The following PACRG variants were observed in gnomAD, a reference collection of about 807,000 sequenced individuals.
The protein encoded by PACRG is parkin coregulated gene protein.
PACRG carries 29 observed loss-of-function variants against 29.7 expected under a neutral mutation model. That is an observed-to-expected ratio of 0.98 (90% CI 0.73 to 1.33). The LOEUF (loss-of-function observed/expected upper bound fraction) is 1.33. Among genes scored for constraint, PACRG ranks in the 40% most tolerant of loss-of-function variants. The probability of loss-of-function intolerance (pLI) is 0.00; values close to 1 mark genes in which losing one functional copy is unlikely to be tolerated. For synonymous variants in PACRG, 116 were observed against 118.7 expected (o/e 0.98, Z 0.15); for missense variants, 279 against 316.2 (o/e 0.88, Z 0.89).
At chr6:163,204,166 A>G (rs952349854) in intron 4 of PACRG, among the ~76,000 whole-genome samples, 15 of 152,248 alleles carry the variant, frequency 9.9e-5, no homozygotes, top group African/African-American at 3.6e-4. Context: ...ATAGCCATTC[A>G]TGAACACAGG....
In PACRG at chr6:163,145,302, G is replaced by A. The variant is rs191283265; in HGVS notation, c.613+55894G>A. 2.0e-3 allele frequency among the ~76,000 whole-genome samples: 309 copies of A among 152,272 alleles called. 1 individual carries two copies. The highest frequency in any genetic ancestry group is 3.4e-3 in the Non-Finnish European group (234 of 68,010). ...ATTAAATGAGACAATGCAAATCAAA[G>A]TGATTTGTGAGCTAGAATGCCAGGA... is the stretch of plus-strand genomic sequence containing the variant. On this transcript the variant is annotated intron_variant, in intron 4 of 4. Transcript: ENST00000366888.
intron 4 of PACRG, among the ~76,000 whole-genome samples, chr6:163,226,586 A>T (rs1257619474): frequency 6.6e-6 from 1 of 152,208 alleles, no homozygotes; most frequent in African/African-American, 2.4e-5. Context: ...GGCAATCTCC[A>T]CTTGAGGCCA....
chr6:163,211,265 AT>A (rs1781128419), intron 4 of PACRG, among the ~76,000 whole-genome samples: 1 of 152,232 alleles, frequency 6.6e-6, no homozygotes, highest in African/African-American at 2.4e-5. Flanking sequence ...GAAACATTTT[AT>A]AATCCTGTGT....
chr6:162,769,601 C>A (rs1051929764), intron 1 of PACRG, among the ~76,000 whole-genome samples: 1 of 151,916 alleles, frequency 6.6e-6, no homozygotes, highest in Non-Finnish European at 1.5e-5. Flanking sequence ...TGATCATGCA[C>A]TGGTAAGAAG....
At chr6:162,868,380 A>G (rs1792486260) in intron 2 of PACRG, among the ~76,000 whole-genome samples, 2 of 152,236 alleles carry the variant, frequency 1.3e-5, no homozygotes, top group Admixed American at 1.3e-4. Context: ...ACAGAATTAC[A>G]TCTTTTAGAT....
intron 2 of PACRG, among the ~76,000 whole-genome samples, chr6:162,995,061 G>C (rs1803853537): frequency 6.6e-6 from 1 of 151,362 alleles, no homozygotes; most frequent in Non-Finnish European, 1.5e-5. Flanking sequence ...TCAGGGGTCA[G>C]GGGTCAGGGA....
At chr6:162,868,201 T>G (rs1792463071) in intron 2 of PACRG, among the ~76,000 whole-genome samples, 1 of 152,134 alleles carries the variant, frequency 6.6e-6, no homozygotes, top group African/African-American at 2.4e-5. Context: ...TGTTCCTAGA[T>G]CCAGCCTGGA....
intron 3 of PACRG, among the ~76,000 whole-genome samples, chr6:163,087,032 G>A (rs56166197): frequency 1.3e-5 from 2 of 152,144 alleles, no homozygotes; most frequent in African/African-American, 4.8e-5. Context: ...GAGATGATCA[G>A]ATAAGCTTGA....
chr6:162,846,590 A>ATAT (rs1475337357), intron 2 of PACRG, among the ~76,000 whole-genome samples: 2 of 152,146 alleles, frequency 1.3e-5, no homozygotes, highest in Non-Finnish European at 2.9e-5. Flanking sequence ...GGAGACTCTA[A>ATAT]TAATCACCCA....
At chr6:162,759,377 A>G (rs1228438212) in intron 1 of PACRG, among the ~76,000 whole-genome samples, 1 of 152,174 alleles carries the variant, frequency 6.6e-6, no homozygotes, top group Non-Finnish European at 1.5e-5. Context: ...CCATGGCTGT[A>G]GGTTATGTGA....
At chr6:162,801,624 T>C (rs1386195509) in intron 1 of PACRG, among the ~76,000 whole-genome samples, 1 of 152,220 alleles carries the variant, frequency 6.6e-6, no homozygotes, top group Non-Finnish European at 1.5e-5. Flanking sequence ...TTTAGACTAA[T>C]TTAGATTATT....
chr6:162,858,158 C>T (rs1445228302), intron 2 of PACRG, among the ~76,000 whole-genome samples: 1 of 152,150 alleles, frequency 6.6e-6, no homozygotes, highest in Non-Finnish European at 1.5e-5. Flanking sequence ...CTACCTGAGA[C>T]TGCATAATTT....
At chr6:162,951,791 A>G (rs758412540) in intron 2 of PACRG, among the ~76,000 whole-genome samples, 30 of 152,106 alleles carry the variant, frequency 2.0e-4, no homozygotes, top group Non-Finnish European at 3.8e-4. Flanking sequence ...CTTTCAGCTG[A>G]TGGTTTTTTA....
chr6:163,309,346 G>T (rs1426311489), intron 4 of PACRG, among the ~76,000 whole-genome samples: 2 of 152,244 alleles, frequency 1.3e-5, no homozygotes, highest in Non-Finnish European at 2.9e-5. Context: ...CGTGGAGAGA[G>T]TCAGTCTGCC....
chr6:163,071,769 A>C (rs549615275), intron 3 of PACRG, among the ~76,000 whole-genome samples: 12 of 152,024 alleles, frequency 7.9e-5, no homozygotes, highest in Non-Finnish European at 1.8e-4. Context: ...ATATCACTGA[A>C]ATTCAAAGGA....
At chr6:163,078,793 C>T (rs554551043) in intron 3 of PACRG, among the ~76,000 whole-genome samples, 12 of 152,166 alleles carry the variant, frequency 7.9e-5, no homozygotes, top group Middle Eastern at 3.2e-3. Context: ...TGCCGTGAAA[C>T]CCCACTTCAT....
chr6:163,016,165 A>G (rs1806087139), intron 2 of PACRG: 1 of 152,244 alleles, frequency 6.6e-6, no homozygotes, highest in Non-Finnish European at 1.5e-5. Context: ...CCAGGCTAGC[A>G]TCGCATTTCA....
intron 4 of PACRG, among the ~76,000 whole-genome samples, chr6:163,154,007 C>A (rs1274384564): frequency 6.6e-6 from 1 of 152,154 alleles, no homozygotes; most frequent in African/African-American, 2.4e-5. Context: ...TTTGCACCAG[C>A]GATCATATGT....
chr6:163,212,813 T>C (rs1323772601), intron 4 of PACRG, among the ~76,000 whole-genome samples: 1 of 151,064 alleles, frequency 6.6e-6, no homozygotes, highest in Non-Finnish European at 1.5e-5. Context: ...GGAGTCTCGC[T>C]CATCGCCCAG....
Sources: allele counts gnomAD v4.1 joint callset (sites outside exome capture counted in the v4.1 genomes callset), GRCh38; gene constraint gnomAD v4.1.1; transcripts MANE v1.5; gene names NCBI Gene and HGNC (gene_info 2026-07-23, HGNC 2026-07-21).